Variants in BRIP1 observed in about 807,000 individuals in gnomAD.
BRIP1 encodes the protein BRCA1 interacting DNA helicase 1.
In BRIP1, 88 loss-of-function variants were observed where a neutral mutation model predicts 119.7. The ratio of observed to expected loss-of-function variants is 0.74; its 90% CI spans 0.62 to 0.88. The LOEUF is 0.88. Among genes scored for constraint, BRIP1 ranks in the 40% least tolerant of loss-of-function variants. The pLI, the probability that BRIP1 is intolerant of heterozygous loss-of-function variation, is 0.00. For missense variants in BRIP1, 1,259 were observed against 1,455.4 expected (o/e 0.87, Z 2.20); for synonymous variants, 443 against 496.5 (o/e 0.89, Z 1.43).
In BRIP1 at chr17:61,706,938, C is replaced by A. The variant is rs558869345; in HGVS notation, c.2492+9013G>T. 3.9e-5 allele frequency among the ~76,000 whole-genome samples: 6 copies of A among 152,262 alleles called. No homozygotes were observed. The highest frequency in any genetic ancestry group is 1.2e-4 in the African/African-American group (5 of 41,568). ...ACTACTTGCTGCACTGTTATCATTC[C>A]AGAGTTTTCCTTCCTGGTTGTTTTA... On this transcript the variant is annotated intron_variant, in intron 17 of 19. Coordinates refer to ENST00000259008, the MANE Select transcript of BRIP1 (RefSeq NM_032043.3). This position sits in a 1 kb window ranked among gnomAD's most constrained non-coding sequence, Gnocchi z 5.7.
Position 61,776,671 on chromosome 17 carries a change from ATTTT to A in BRIP1, c.1936-113_1936-110del. 3 of 1,197,024 alleles carry A rather than the reference ATTTT, an allele frequency of 2.5e-6. No homozygotes were observed. Among genetic ancestry groups the A allele is most frequent in the Non-Finnish European group, 3.7e-6 (3 of 813,884 alleles). 74.2% of individuals were successfully genotyped at this position (1,197,024 alleles called of 1,614,324 possible). A position where few individuals can be genotyped will look rare whatever the true frequency, so the allele number is the denominator to read the frequency against. Reference sequence around the variant, plus strand: ...GATCAAGCAACAAGTTTAACAATTTATTTTTAAATTGTCAGGGGGTTTTCTATTA... The same window carrying A: ...GATCAAGCAACAAGTTTAACAATTTATAAATTGTCAGGGGGTTTTCTATTA... On this transcript the variant is annotated intron_variant, in intron 13 of 19. Coordinates refer to ENST00000259008, the MANE Select transcript of BRIP1 (RefSeq NM_032043.3). This position sits in a 1 kb window ranked among gnomAD's most constrained non-coding sequence, Gnocchi z 5.0.
Position 61,682,173 on chromosome 17 carries a change from C to T in BRIP1, c.*1123G>A, listed in dbSNP as rs1047353293. The T allele has an allele frequency of 5.0e-6, 1 of 199,062 alleles. No homozygotes were observed. Among genetic ancestry groups the T allele is most frequent in the Admixed American group, 6.0e-5 (1 of 16,594 alleles). The allele number at this position is 199,062 out of a possible 1,614,324, so 12.3% of individuals were successfully genotyped here. A position where few individuals can be genotyped will look rare whatever the true frequency, so the allele number is the denominator to read the frequency against. On this transcript the variant is annotated 3_prime_UTR_variant, in exon 20 of 20. Coordinates refer to ENST00000259008, the MANE Select transcript of BRIP1 (RefSeq NM_032043.3). The surrounding 1 kb of genome is among the most constrained non-coding windows in gnomAD (Gnocchi z 4.9). ...CAGCTATAAATGTGGGTTTGCTTAT[C>T]AAATTTATATATGAAGTTTTCTATC...
In BRIP1 at chr17:61,756,245, A is replaced by G. The variant is rs545554896; in HGVS notation, c.2098-11654T>C. Among the ~76,000 whole-genome samples, 31 of 152,346 alleles carry G rather than the reference A, an allele frequency of 2.0e-4. No homozygotes were observed. Among genetic ancestry groups the G allele is most frequent in the Admixed American group, 1.4e-3 (21 of 15,298 alleles). ...CTATTTCTGTCTTGCCAGAGAAATC[A>G]CATAAATAAACACAAAAATAACTCA... On this transcript the variant is annotated intron_variant, in intron 14 of 19. Transcript: ENST00000259008. This position sits in a 1 kb window ranked among gnomAD's most constrained non-coding sequence, Gnocchi z 4.3.
chr17:61,737,895 C>T (rs1567775305), intron 16 of BRIP1, among the ~76,000 whole-genome samples: 2 of 152,246 alleles, frequency 1.3e-5, no homozygotes, highest in East Asian at 3.9e-4. Context: ...GAAATTATCC[C>T]TTTTCTCCCC....
chr17:61,783,623 G>A (rs1470028908), intron 11 of BRIP1, among the ~76,000 whole-genome samples: 1 of 151,878 alleles, frequency 6.6e-6, no homozygotes, highest in Non-Finnish European at 1.5e-5. Context: ...TAAGTTACAG[G>A]ATGAGAGGGA....
rs527750325 is a variant in BRIP1 at position 61,735,427 on chromosome 17, T to C, written c.2379+7586A>G. Among the ~76,000 whole-genome samples, 13 of 152,242 alleles carry C rather than the reference T, an allele frequency of 8.5e-5. No individual in the cohort carries two copies. Among genetic ancestry groups the C allele is most frequent in the East Asian group, 5.8e-4 (3 of 5,190 alleles). On this transcript the variant is annotated intron_variant, in intron 16 of 19. Coordinates refer to ENST00000259008, the MANE Select transcript of BRIP1 (RefSeq NM_032043.3). The surrounding 1 kb of genome is among the most constrained non-coding windows in gnomAD (Gnocchi z 4.4). ...CCTATTGGCCTCTGGAAGTATACTG[T>C]CATGATACGAGGGGGCTTGTGAAAA... is the stretch of plus-strand genomic sequence containing the variant.
chr17:61,770,851 G>A lies in BRIP1; in HGVS notation c.2097+5550C>T, dbSNP rs1433159301. Reference sequence around the variant, plus strand: ...CTATCTATTAGATTCAAAAGGCAATGATAGAGAAATAGAGGGGGAAAAGGC... The same window carrying A: ...CTATCTATTAGATTCAAAAGGCAATAATAGAGAAATAGAGGGGGAAAAGGC... On this transcript the variant is annotated intron_variant, in intron 14 of 19. Coordinates refer to ENST00000259008, the MANE Select transcript of BRIP1 (RefSeq NM_032043.3). This position sits in a 1 kb window ranked among gnomAD's most constrained non-coding sequence, Gnocchi z 4.7. Among the ~76,000 whole-genome samples, 1 of 152,138 alleles carries A rather than the reference G, an allele frequency of 6.6e-6. No homozygotes were observed. The highest frequency in any genetic ancestry group is 1.5e-5 in the Non-Finnish European group (1 of 68,014).
At chr17:61,818,884 C>T (rs951517017) in intron 6 of BRIP1, among the ~76,000 whole-genome samples, 1 of 152,004 alleles carries the variant, frequency 6.6e-6, no homozygotes, top group African/African-American at 2.4e-5. Flanking sequence ...AATTTCATCC[C>T]AATTAAAATG....
In BRIP1 at chr17:61,814,068, C is replaced by A. The variant is rs7217206; in HGVS notation, c.628-5311G>T. ...TCCCCCAAGGGAAAAATAAAAAACA[C>A]AAACTTTCAATTAATAGACTCTTTA... On this transcript the variant is annotated intron_variant, in intron 6 of 19. Coordinates refer to ENST00000259008, the MANE Select transcript of BRIP1 (RefSeq NM_032043.3). This position sits in a 1 kb window ranked among gnomAD's most constrained non-coding sequence, Gnocchi z 4.9. 0.79 allele frequency among the ~76,000 whole-genome samples: 120,767 copies of A among 152,072 alleles called. 48,614 individuals are homozygous for A. The highest frequency in any genetic ancestry group is 0.9 in the African/African-American group (37,378 of 41,548).
In BRIP1 at chr17:61,789,103, T is replaced by TA. The variant is rs2077777256; in HGVS notation, c.1473+4493dup. Among the ~76,000 whole-genome samples, 1 of 151,086 alleles carries TA rather than the reference T, an allele frequency of 6.6e-6. No individual in the cohort carries two copies. The highest frequency in any genetic ancestry group is 1.9e-4 in the East Asian group (1 of 5,132). ...GAGTGAGATTCTGTCTCAAAATAAA[T>TA]AAAAAAATAAGTAATTAGCCAGGTG... On this transcript the variant is annotated intron_variant, in intron 10 of 19. Coordinates refer to ENST00000259008, the MANE Select transcript of BRIP1 (RefSeq NM_032043.3). The surrounding 1 kb of genome is among the most constrained non-coding windows in gnomAD (Gnocchi z 4.8).
intron 6 of BRIP1, among the ~76,000 whole-genome samples, chr17:61,811,470 G>C (rs533073270): frequency 6.6e-6 from 1 of 151,860 alleles, no homozygotes; most frequent in Admixed American, 6.6e-5. Context: ...TGATCCGCCT[G>C]CATCGGCCTC....
At chr17:61,791,081 T>A (rs1158578510) in intron 10 of BRIP1, among the ~76,000 whole-genome samples, 1 of 152,196 alleles carries the variant, frequency 6.6e-6, no homozygotes, top group Non-Finnish European at 1.5e-5. Context: ...GATTAAAATA[T>A]ATGTTTTAAT....
Position 61,776,038 on chromosome 17 carries a change from C to A in BRIP1, c.2097+363G>T. 3.3e-6 allele frequency: 1 copy of A among 302,458 alleles called. No homozygotes were observed. The highest frequency in any genetic ancestry group is 3.2e-5 in the South Asian group (1 of 31,020). 18.7% of individuals were successfully genotyped at this position (302,458 alleles called of 1,614,324 possible). On this transcript the variant is annotated intron_variant, in intron 14 of 19. Transcript: ENST00000259008. The surrounding 1 kb of genome is among the most constrained non-coding windows in gnomAD (Gnocchi z 5.0). ...AGCTGGGACTATAGGTGTGTGCCAC[C>A]ACACCCAGCTAATTTTTGTATTTTG...
Position 61,720,978 on chromosome 17 carries a change from A to C in BRIP1, c.2380-4915T>G, listed in dbSNP as rs1603295449. Among the ~76,000 whole-genome samples, 1 of 151,824 alleles carries C rather than the reference A, an allele frequency of 6.6e-6. No individual in the cohort carries two copies. The highest frequency in any genetic ancestry group is 1.5e-5 in the Non-Finnish European group (1 of 67,934). On this transcript the variant is annotated intron_variant, in intron 16 of 19. Transcript: ENST00000259008. The surrounding 1 kb of genome is among the most constrained non-coding windows in gnomAD (Gnocchi z 4.3). ...CCTCTCAGCCTCCCAAGTAGCTGGG[A>C]CTACAGGCGGCCGCCACCATGCCTA...
Position 61,851,789 on chromosome 17 carries a change from G to A in BRIP1, c.380-2533C>T, listed in dbSNP as rs1284706633. ...TTTTAGATAAGATAGGTAATTTTGAGCTCTGCATGTCCAGGCAACCAGTAA... is the reference window on the plus strand; with the variant it reads ...TTTTAGATAAGATAGGTAATTTTGAACTCTGCATGTCCAGGCAACCAGTAA... On this transcript the variant is annotated intron_variant, in intron 4 of 19. Coordinates refer to ENST00000259008, the MANE Select transcript of BRIP1 (RefSeq NM_032043.3). The surrounding 1 kb of genome is among the most constrained non-coding windows in gnomAD (Gnocchi z 4.6). Among the ~76,000 whole-genome samples, 1 of 152,084 alleles carries A rather than the reference G, an allele frequency of 6.6e-6. No individual in the cohort carries two copies. Among genetic ancestry groups the A allele is most frequent in the Non-Finnish European group, 1.5e-5 (1 of 68,030 alleles).
At position 61,736,806 on chromosome 17, in the gene BRIP1, A is replaced by G. The variant is rs2076924779; in HGVS notation, c.2379+6207T>C. ...AGGTACACCATGAAACAGATTATAAAACATCTTTATAAACACTAAATATGT... is the reference window on the plus strand; with the variant it reads ...AGGTACACCATGAAACAGATTATAAGACATCTTTATAAACACTAAATATGT... On this transcript the variant is annotated intron_variant, in intron 16 of 19. Coordinates refer to ENST00000259008, the MANE Select transcript of BRIP1 (RefSeq NM_032043.3). This position sits in a 1 kb window ranked among gnomAD's most constrained non-coding sequence, Gnocchi z 4.4. Among the ~76,000 whole-genome samples the G allele has an allele frequency of 6.6e-6, 1 of 152,150 alleles. No individual in the cohort carries two copies. The highest frequency in any genetic ancestry group is 6.5e-5 in the Admixed American group (1 of 15,284).
rs2078240098 is a variant in BRIP1, at chr17:61,816,589, T to C, written c.628-7832A>G. Among the ~76,000 whole-genome samples the C allele has an allele frequency of 6.6e-6, 1 of 152,124 alleles. No individual in the cohort carries two copies. Among genetic ancestry groups the C allele is most frequent in the African/African-American group, 2.4e-5 (1 of 41,438 alleles). On this transcript the variant is annotated intron_variant, in intron 6 of 19. Transcript: ENST00000259008. This position sits in a 1 kb window ranked among gnomAD's most constrained non-coding sequence, Gnocchi z 5.0. ...AGAGTAAATCAATAAGAATTATCAG[T>C]TTAAGAACAAGCATATCATAAAGAT... is the stretch of plus-strand genomic sequence containing the variant.
chr17:61,847,111 G>A lies in BRIP1; in HGVS notation c.617C>T (p.Ser206Leu), dbSNP rs565458815. Residue 206 changes from serine to leucine, a missense_variant, in exon 6 of 20, where the codon TCG becomes TTG. Physicochemically the swap from Ser to Leu is moderately radical, Grantham distance 145. Coordinates refer to ENST00000259008, the MANE Select transcript of BRIP1 (RefSeq NM_032043.3). Reference protein sequence around the residue: ...NSPLEKINSFSPQKPPGHCSR... With the variant: ...NSPLEKINSFLPQKPPGHCSR... ...GGCATTAATACATACTTTCTGTGGC[G>A]AAAAGGAGTTTATCTTTTCCAGTGG... 1.6e-5 allele frequency: 26 copies of A among 1,613,750 alleles called. No homozygotes were observed. Among genetic ancestry groups the A allele is most frequent in the Admixed American group, 3.3e-5 (2 of 60,014 alleles).
In BRIP1 at chr17:61,686,143, C is replaced by T. The variant is rs769021796; in HGVS notation, c.2598G>A (p.Gln866=). Residue 866 remains glutamine (Q), a synonymous_variant, in exon 19 of 20, where the codon CAG becomes CAA. Coordinates refer to ENST00000259008, the MANE Select transcript of BRIP1 (RefSeq NM_032043.3). This position sits in a 1 kb window ranked among gnomAD's most constrained non-coding sequence, Gnocchi z 5.4. ...CAAAGGTTGAATGGTGCTGAATCTG[C>T]TGCCGTACCCATTTAGAAAGTCCTA... ...YISGLSKWVR[Q]QIQHHSTFES... is the part of the protein sequence containing the mutation. The T allele has an allele frequency of 2.5e-6, 4 of 1,614,084 alleles. No homozygotes were observed. The South Asian group carries it at 4.4e-5, about 18-fold the overall frequency.
Sources: gnomAD v4.1 joint callset for allele counts (sites outside exome capture counted in the v4.1 genomes callset) on GRCh38, gnomAD v4.1.1 for gene constraint, Gnocchi (gnomAD v3.1) non-coding constraint, MANE v1.5 for transcripts, NCBI Gene and HGNC (gene_info 2026-07-23, HGNC 2026-07-21) for gene names.